The following DACH1 variants were observed in gnomAD, a reference collection of about 807,000 sequenced individuals.
DACH1 encodes dachshund family transcription factor 1, also known as dachshund homolog 1.
DACH1 carries 12 observed loss-of-function variants against 54.2 expected under a neutral mutation model. The observed-to-expected ratio is 0.22, with a 90% CI of 0.14 to 0.36. The LOEUF is 0.36. Among genes scored for constraint, DACH1 ranks in the 10% least tolerant of loss-of-function variants. The probability of loss-of-function intolerance (pLI) is 1.00; values close to 1 mark genes in which losing one functional copy is unlikely to be tolerated. For synonymous variants in DACH1, 386 were observed against 366.2 expected (o/e 1.05, Z -0.62); for missense variants, 805 against 929.8 (o/e 0.87, Z 1.75).
intron 3 of DACH1, among the ~76,000 whole-genome samples, chr13:71,602,154 C>T (rs1057423335): frequency 1.3e-5 from 2 of 151,960 alleles, no homozygotes; most frequent in African/African-American, 4.8e-5. Flanking sequence ...ATATGTTTTA[C>T]ATTCTGGAAA....
At chr13:71,685,545 A>G (rs1282016165) in intron 1 of DACH1, among the ~76,000 whole-genome samples, 1 of 152,190 alleles carries the variant, frequency 6.6e-6, no homozygotes, top group Non-Finnish European at 1.5e-5. Flanking sequence ...GAGAAGTTGG[A>G]AAATTTATTT....
intron 10 of DACH1, among the ~76,000 whole-genome samples, chr13:71,465,035 G>A (rs565897073): frequency 2.0e-5 from 3 of 151,980 alleles, no homozygotes; most frequent in African/African-American, 7.2e-5. Flanking sequence ...AATATGGTTT[G>A]AACAGTAGAA....
intron 1 of DACH1, among the ~76,000 whole-genome samples, chr13:71,819,416 G>T (rs2138177551): frequency 6.6e-6 from 1 of 152,056 alleles, no homozygotes; most frequent in Non-Finnish European, 1.5e-5. Context: ...AAGGGCATAT[G>T]GAAAATATCC....
At chr13:71,740,184 T>G (rs1181398384) in intron 1 of DACH1, among the ~76,000 whole-genome samples, 1 of 152,180 alleles carries the variant, frequency 6.6e-6, no homozygotes, top group Non-Finnish European at 1.5e-5. Context: ...TTCTCAAGAC[T>G]GATGAAGACA....
intron 10 of DACH1, among the ~76,000 whole-genome samples, chr13:71,456,844 C>T (rs991312244): frequency 6.6e-6 from 1 of 152,006 alleles, no homozygotes; most frequent in Non-Finnish European, 1.5e-5. Context: ...AGCTGTATAG[C>T]CATCTGTAAC....
chr13:71,604,097 A>G (rs1325246930), intron 3 of DACH1, among the ~76,000 whole-genome samples: 1 of 151,966 alleles, frequency 6.6e-6, no homozygotes, highest in Non-Finnish European at 1.5e-5. Context: ...AAAACTCTAC[A>G]AATAAAGTTT....
At chr13:71,831,242 T>G (rs929479250) in intron 1 of DACH1, among the ~76,000 whole-genome samples, 3 of 151,836 alleles carry the variant, frequency 2.0e-5, no homozygotes, top group Non-Finnish European at 4.4e-5. Context: ...CTGGAGTAAT[T>G]TTTTTATTCC....
At chr13:71,588,695 A>C (rs1047512253) in intron 3 of DACH1, among the ~76,000 whole-genome samples, 5 of 152,094 alleles carry the variant, frequency 3.3e-5, no homozygotes, top group African/African-American at 7.2e-5. Flanking sequence ...ATGAACAAAA[A>C]GTGAAATTAC....
chr13:71,512,879 G>A (rs893363820), intron 6 of DACH1, among the ~76,000 whole-genome samples: 1 of 151,588 alleles, frequency 6.6e-6, no homozygotes, highest in Non-Finnish European at 1.5e-5. Context: ...AAATCTAGAA[G>A]AATAATCTTT....
chr13:71,462,345 TA>T (rs1876149546), intron 10 of DACH1, among the ~76,000 whole-genome samples: 2 of 151,918 alleles, frequency 1.3e-5, no homozygotes, highest in African/African-American at 4.8e-5. Flanking sequence ...TAAATAATTA[TA>T]TATAATATGT....
At position 71,501,137 on chromosome 13, in the gene DACH1, C is replaced by T. The variant is rs568934819; in HGVS notation, c.1571-11989G>A. ...TCTCATGTATTGATTTATGATTTTC[C>T]CGGCAATTCCCGTTTCCCTGAAATG... On this transcript the variant is annotated intron_variant, in intron 6 of 10. Coordinates refer to ENST00000613252, the MANE Select transcript of DACH1 (RefSeq NM_080759.6). Among the ~76,000 whole-genome samples the T allele has an allele frequency of 2.3e-3, 344 of 152,132 alleles. 3 individuals carry two copies. The highest frequency in any genetic ancestry group is 8.0e-3 in the African/African-American group (333 of 41,504).
intron 1 of DACH1, among the ~76,000 whole-genome samples, chr13:71,764,087 T>A (rs1460137507): frequency 6.6e-6 from 1 of 152,190 alleles, no homozygotes; most frequent in Admixed American, 6.5e-5. Flanking sequence ...AATATCATTA[T>A]CATTATAAAT....
intron 3 of DACH1, among the ~76,000 whole-genome samples, chr13:71,579,428 A>G (rs939748149): frequency 2.0e-5 from 3 of 152,082 alleles, no homozygotes; most frequent in African/African-American, 7.2e-5. Context: ...TTATTGAACT[A>G]AAGAGAACGG....
chr13:71,441,241 C>T (rs1473476691), intron 10 of DACH1, among the ~76,000 whole-genome samples: 2 of 151,950 alleles, frequency 1.3e-5, no homozygotes, highest in African/African-American at 4.8e-5. Flanking sequence ...GAGATTCATC[C>T]AACAATTAAA....
chr13:71,552,480 A>C, intron 6 of DACH1, among the ~76,000 whole-genome samples: 1 of 152,004 alleles, frequency 6.6e-6, no homozygotes, highest in Non-Finnish European at 1.5e-5. Flanking sequence ...CAAGGTAAGA[A>C]GTGTGCTCCA....
chr13:71,444,210 T>A (rs1471729337), intron 10 of DACH1, among the ~76,000 whole-genome samples: 1 of 152,156 alleles, frequency 6.6e-6, no homozygotes, highest in Non-Finnish European at 1.5e-5. Context: ...TGATTTCTAC[T>A]ACATAAAGTA....
At chr13:71,687,498 G>A (rs1367617894) in intron 1 of DACH1, among the ~76,000 whole-genome samples, 1 of 152,126 alleles carries the variant, frequency 6.6e-6, no homozygotes, top group Admixed American at 6.6e-5. Context: ...AAGGAAATAT[G>A]CTAAAATACT....
At chr13:71,783,840 GTT>G (rs373566201) in intron 1 of DACH1, among the ~76,000 whole-genome samples, 1 of 146,334 alleles carries the variant, frequency 6.8e-6, no homozygotes, top group Non-Finnish European at 1.5e-5. Context: ...TTGATTTAAG[GTT>G]TTTTTTTTGT....
Position 71,866,864 on chromosome 13 carries a change from G to C in DACH1, c.-95C>G. 2.8e-5 allele frequency: 24 copies of C among 844,796 alleles called. No individual in the cohort carries two copies. Among genetic ancestry groups the C allele is most frequent in the South Asian group, 1.1e-4 (2 of 17,580 alleles). The allele number at this position is 844,796 out of a possible 1,614,324, so 52.3% of individuals were successfully genotyped here. A position where few individuals can be genotyped will look rare whatever the true frequency, so the allele number is the denominator to read the frequency against. On this transcript the variant is annotated 5_prime_UTR_variant, in exon 1 of 11. Coordinates refer to ENST00000613252, the MANE Select transcript of DACH1 (RefSeq NM_080759.6). ...AAGGGGAAAAAAGGGGGGAGAAGGA[G>C]CGAGGGGGGCAACAACAACTCCGGG...
Sources: allele counts gnomAD v4.1 joint callset (sites outside exome capture counted in the v4.1 genomes callset), GRCh38; gene constraint gnomAD v4.1.1; transcripts MANE v1.5; gene names NCBI Gene and HGNC (gene_info 2026-07-23, HGNC 2026-07-21).